Variants in AGMO observed in about 807,000 individuals in gnomAD.
The protein encoded by AGMO is glyceryl-ether monooxygenase.
A neutral mutation model predicts 60.2 loss-of-function variants in AGMO; 75 were observed. The observed-to-expected ratio is 1.25, with a 90% CI of 1.03 to 1.51. The LOEUF (loss-of-function observed/expected upper bound fraction) is 1.51, where lower values mean the gene tolerates loss of function less well. Ranked by LOEUF, AGMO falls within the 40% of genes most tolerant of loss-of-function variation. AGMO has a pLI of 0.00. For missense variants in AGMO, 763 were observed against 525.5 expected (o/e 1.45, Z -4.42); for synonymous variants, 261 against 177.1 (o/e 1.47, Z -3.76).
At chr7:15,295,580 T>C (rs1023724362) in intron 12 of AGMO, among the ~76,000 whole-genome samples, 7 of 152,048 alleles carry the variant, frequency 4.6e-5, no homozygotes, top group African/African-American at 1.2e-4. Flanking sequence ...TAAAATTTAA[T>C]CCTCGCTATT....
chr7:15,260,625 C>G (rs183803284), intron 12 of AGMO, among the ~76,000 whole-genome samples: 67 of 152,138 alleles, frequency 4.4e-4, no homozygotes, highest in African/African-American at 1.5e-3. Flanking sequence ...AGAAAGTCAA[C>G]AAGGTAACGG....
Position 15,430,630 on chromosome 7 carries a change from T to A in AGMO, c.513+375A>T, listed in dbSNP as rs200380450. On this transcript the variant is annotated intron_variant, in intron 4 of 12. Transcript: ENST00000342526. ...AAAAAAAAAAACAACTGGTTTTTTT[T>A]AAAAAAAAAAAAAAAACTGGTAAAA... is the stretch of plus-strand genomic sequence containing the variant. Among the ~76,000 whole-genome samples the A allele has an allele frequency of 7.9e-3, 825 of 104,762 alleles. 5 individuals carry two copies. Among genetic ancestry groups the A allele is most frequent in the East Asian group, 0.043 (173 of 4,066 alleles). The allele number at this position is 104,762 out of a possible 152,430, so 68.7% of individuals were successfully genotyped here.
intron 12 of AGMO, among the ~76,000 whole-genome samples, chr7:15,337,622 G>C (rs533451104): frequency 6.6e-6 from 1 of 152,182 alleles, no homozygotes; most frequent in African/African-American, 2.4e-5. Context: ...CTGGGAAAAT[G>C]AGAGGGCCAA....
intron 12 of AGMO, among the ~76,000 whole-genome samples, chr7:15,270,100 G>T (rs561530829): frequency 5.9e-5 from 9 of 152,114 alleles, no homozygotes; most frequent in African/African-American, 1.7e-4. Flanking sequence ...CTGATATAAT[G>T]ATTTCTTTTC....
chr7:15,261,224 T>C (rs1354506217), intron 12 of AGMO, among the ~76,000 whole-genome samples: 1 of 151,986 alleles, frequency 6.6e-6, no homozygotes, highest in Non-Finnish European at 1.5e-5. Context: ...CAAAAGCTTG[T>C]TTTTGAAAAG....
chr7:15,445,853 C>T (rs906133591), intron 3 of AGMO, among the ~76,000 whole-genome samples: 6 of 152,152 alleles, frequency 3.9e-5, no homozygotes, highest in African/African-American at 1.4e-4. Context: ...CCATGAACCT[C>T]TTCCCTGCCT....
chr7:15,561,806 G>A lies in AGMO; in HGVS notation c.40C>T (p.Gln14Ter), dbSNP rs1393550957. Residue 14 changes from glutamine to a stop codon, truncating the protein, a stop_gained, in exon 1 of 13, where the codon CAG becomes TAG. Transcript: ENST00000342526. LOFTEE classifies it high-confidence loss of function. ...GTGTAAAACAACATGCGAAATCCCT[G>A]GGAAACTGAAACATCCTGCTGGGCT... The part of the protein sequence containing the change: ...PEAQQDVSVS[Q>*]GFRMLFYTMK... 3 of 1,609,904 alleles carry A rather than the reference G, an allele frequency of 1.9e-6. No homozygotes were observed. Among genetic ancestry groups the A allele is most frequent in the Non-Finnish European group, 1.7e-6 (2 of 1,177,388 alleles).
At chr7:15,362,420 T>C (rs984706594) in intron 12 of AGMO, among the ~76,000 whole-genome samples, 17 of 152,238 alleles carry the variant, frequency 1.1e-4, no homozygotes, top group African/African-American at 4.1e-4. Context: ...TAATCATTAA[T>C]GGCTTGTGGT....
At position 15,272,431 on chromosome 7, in the gene AGMO, C is replaced by A. The variant is rs149047585; in HGVS notation, c.1264-71072G>T. Among the ~76,000 whole-genome samples, 1,102 of 152,076 alleles carry A rather than the reference C, an allele frequency of 7.2e-3. 16 individuals are homozygous for A. The highest frequency in any genetic ancestry group is 0.026 in the African/African-American group (1,062 of 41,474). On this transcript the variant is annotated intron_variant, in intron 12 of 12. Coordinates refer to ENST00000342526, the MANE Select transcript of AGMO (RefSeq NM_001004320.2). ...TCCTGAGAAAGATAGTTTCCAGCTT[C>A]ATCCATGTCCCTACAAAGGACATGA...
chr7:15,512,830 C>CT (rs201890620), intron 3 of AGMO, among the ~76,000 whole-genome samples: 7 of 151,872 alleles, frequency 4.6e-5, no homozygotes, highest in East Asian at 1.9e-4. Flanking sequence ...TGTTTGCTAT[C>CT]TTTTTTTTCC....
chr7:15,342,519 T>A (rs908350876), intron 12 of AGMO, among the ~76,000 whole-genome samples: 1 of 151,980 alleles, frequency 6.6e-6, no homozygotes, highest in African/African-American at 2.4e-5. Context: ...GGTTTACTAG[T>A]ATATTGAGAG....
chr7:15,195,954 G>T (rs1172374161), downstream of AGMO, among the ~76,000 whole-genome samples: 1 of 151,894 alleles, frequency 6.6e-6, no homozygotes, highest in Non-Finnish European at 1.5e-5. Flanking sequence ...TCACTCTCCA[G>T]CTTGCTGATG....
intron 12 of AGMO, among the ~76,000 whole-genome samples, chr7:15,252,479 A>G (rs1782968863): frequency 6.6e-6 from 1 of 152,206 alleles, no homozygotes; most frequent in Non-Finnish European, 1.5e-5. Context: ...CTTTGAGGAA[A>G]GTGGCTATTT....
At position 15,521,459 on chromosome 7, in the gene AGMO, GC is replaced by G. The variant is rs1783983185; in HGVS notation, c.409+23312del. Among the ~76,000 whole-genome samples, 4 of 152,112 alleles carry G rather than the reference GC, an allele frequency of 2.6e-5. No individual in the cohort carries two copies. In the South Asian group the frequency reaches 8.3e-4, roughly 32 times the overall value. ...TGTGGAAATCCTCAATAAAATACTGGCAAACCAAATCCAGCAGCACATTAAA... is the reference window on the plus strand; with the variant it reads ...TGTGGAAATCCTCAATAAAATACTGGAAACCAAATCCAGCAGCACATTAAA... On this transcript the variant is annotated intron_variant, in intron 3 of 12. Transcript: ENST00000342526.
chr7:15,554,622 A>C (rs1785073323), intron 2 of AGMO, among the ~76,000 whole-genome samples: 1 of 152,070 alleles, frequency 6.6e-6, no homozygotes, highest in Non-Finnish European at 1.5e-5. Context: ...TGTTTTACCT[A>C]ATATTTTTCT....
chr7:15,463,431 C>A (rs141330303), intron 3 of AGMO, among the ~76,000 whole-genome samples: 14 of 152,282 alleles, frequency 9.2e-5, no homozygotes, highest in African/African-American at 3.4e-4. Flanking sequence ...ACCTCTCTTA[C>A]ACACTCACCC....
At chr7:15,314,820 T>C (rs1348163951) in intron 12 of AGMO, among the ~76,000 whole-genome samples, 2 of 151,794 alleles carry the variant, frequency 1.3e-5, no homozygotes, top group South Asian at 2.1e-4. Context: ...CCCAATCTTA[T>C]CAACTGAGCC....
chr7:15,340,953 C>A (rs1781826769), intron 12 of AGMO, among the ~76,000 whole-genome samples: 1 of 152,064 alleles, frequency 6.6e-6, no homozygotes, highest in Non-Finnish European at 1.5e-5. Flanking sequence ...ACAGGCAATG[C>A]CAGCCAATGA....
At chr7:15,509,730 C>A (rs965900969) in intron 3 of AGMO, among the ~76,000 whole-genome samples, 2 of 152,058 alleles carry the variant, frequency 1.3e-5, no homozygotes, top group Non-Finnish European at 2.9e-5. Context: ...ATCCAAATGA[C>A]CTGATTAAAA....
Sources: allele counts gnomAD v4.1 joint callset (sites outside exome capture counted in the v4.1 genomes callset), GRCh38; gene constraint gnomAD v4.1.1; transcripts MANE v1.5; gene names NCBI Gene and HGNC (gene_info 2026-07-23, HGNC 2026-07-21).